ABCC4: variants seen among roughly 807,000 people sequenced by gnomAD.
ABCC4 encodes the protein ATP-binding cassette sub-family C member 4.
A neutral mutation model predicts 168.5 loss-of-function variants in ABCC4; 102 were observed. The observed-to-expected ratio is 0.61, with a 90% CI of 0.52 to 0.71. The LOEUF is 0.71. Ranked by LOEUF, ABCC4 falls within the 30% of genes least tolerant of loss-of-function variation. The pLI, the probability that ABCC4 is intolerant of heterozygous loss-of-function variation, is 0.00. For missense variants in ABCC4, 1,402 were observed against 1,605.8 expected (o/e 0.87, Z 2.17); for synonymous variants, 617 against 590.7 (o/e 1.04, Z -0.65).
chr13:95,030,811 T>C (rs906055220), intron 30 of ABCC4, among the ~76,000 whole-genome samples: 1 of 152,246 alleles, frequency 6.6e-6, no homozygotes, highest in African/African-American at 2.4e-5. Context: ...TACTTTGCTA[T>C]GGCAGCCTGA....
chr13:95,172,531 A>G (rs2037513016), intron 13 of ABCC4, among the ~76,000 whole-genome samples: 1 of 149,964 alleles, frequency 6.7e-6, no homozygotes, highest in Non-Finnish European at 1.5e-5. Context: ...ATGCCACTGC[A>G]CTCCAGCCTG....
chr13:95,236,624 T>C (rs567001941), intron 3 of ABCC4, among the ~76,000 whole-genome samples: 69 of 151,974 alleles, frequency 4.5e-4, no homozygotes, highest in African/African-American at 1.6e-3. Flanking sequence ...ACACACACTC[T>C]CTCTCACACA....
intron 24 of ABCC4, among the ~76,000 whole-genome samples, chr13:95,072,425 C>T (rs968457829): frequency 6.6e-6 from 1 of 152,134 alleles, no homozygotes; most frequent in Non-Finnish European, 1.5e-5. Flanking sequence ...CGCACTATTG[C>T]ACTCCAGCCT....
intron 8 of ABCC4, among the ~76,000 whole-genome samples, chr13:95,197,984 A>C (rs1274162172): frequency 6.6e-6 from 1 of 152,176 alleles, no homozygotes; most frequent in African/African-American, 2.4e-5. Context: ...AGACTTAAAT[A>C]TAAAACCTCA....
chr13:95,221,488 C>G (rs1376977805), intron 4 of ABCC4, among the ~76,000 whole-genome samples: 3 of 151,980 alleles, frequency 2.0e-5, no homozygotes, highest in Admixed American at 1.3e-4. Flanking sequence ...CTGAGCCTCC[C>G]AAAGTATTGG....
chr13:95,223,668 A>G (rs556956618), intron 4 of ABCC4, among the ~76,000 whole-genome samples: 1 of 152,180 alleles, frequency 6.6e-6, no homozygotes, highest in Non-Finnish European at 1.5e-5. Flanking sequence ...CACCCAGCTA[A>G]ATTTTGTATT....
chr13:95,025,178 CCCACA>C (rs2031349056), intron 30 of ABCC4, among the ~76,000 whole-genome samples: 1 of 144,080 alleles, frequency 6.9e-6, no homozygotes, highest in African/African-American at 2.7e-5. Context: ...CACACACACA[CCCACA>C]CACACCCACA....
chr13:95,298,732 A>C (rs1033528075), intron 1 of ABCC4, among the ~76,000 whole-genome samples: 4 of 152,174 alleles, frequency 2.6e-5, no homozygotes, highest in African/African-American at 9.6e-5. Flanking sequence ...CAGCAGCTCC[A>C]AAGAGGCTGG....
Position 95,115,659 on chromosome 13 carries a change from C to T in ABCC4, c.2535+263G>A, listed in dbSNP as rs543878813. Among the ~76,000 whole-genome samples, 5 of 152,236 alleles carry T rather than the reference C, an allele frequency of 3.3e-5. No individual in the cohort carries two copies. In the South Asian group the frequency reaches 8.3e-4, roughly 25 times the overall value. On this transcript the variant is annotated intron_variant, in intron 20 of 30. Coordinates refer to ENST00000645237, the MANE Select transcript of ABCC4 (RefSeq NM_005845.5). ...TCCACGCCAGATACCTAGAGGCAGA[C>T]GGAGAGCCACTTACCAAGCACGAAG...
intron 4 of ABCC4, among the ~76,000 whole-genome samples, chr13:95,217,632 G>A (rs2039158021): frequency 6.6e-6 from 1 of 152,184 alleles, no homozygotes; most frequent in Admixed American, 6.5e-5. Flanking sequence ...TACTGGGGAG[G>A]CTGAGGCAGG....
At chr13:95,144,742 A>C (rs1041494728) in intron 19 of ABCC4, among the ~76,000 whole-genome samples, 1 of 152,188 alleles carries the variant, frequency 6.6e-6, no homozygotes, top group Non-Finnish European at 1.5e-5. Flanking sequence ...CAGAGACTAC[A>C]CAAACAAATG....
At chr13:95,058,594 A>AAAAAAAAG (rs2033163283) in intron 26 of ABCC4, among the ~76,000 whole-genome samples, 441 of 41,046 alleles carry the variant, frequency 0.011, 7 homozygotes, top group East Asian at 0.025. Flanking sequence ...AAAAAAAAAG[A>AAAAAAAAG]AAAGAAAAAG....
At position 95,210,914 on chromosome 13, in the gene ABCC4, C is replaced by T. The variant is rs187423462; in HGVS notation, c.532-133G>A. 319 of 598,586 alleles carry T rather than the reference C, an allele frequency of 5.3e-4. 1 individual carries two copies. In the African/African-American group the frequency reaches 5.4e-3, roughly 10 times the overall value. The allele number at this position is 598,586 out of a possible 1,614,324, so 37.1% of individuals were successfully genotyped here. ...AAGCACAAGCATCCCCACCCCCCCA[C>T]TGCCCCCTCTCTCTGCCCCACCAGC... On this transcript the variant is annotated intron_variant, in intron 4 of 30. Transcript: ENST00000645237.
At chr13:95,236,375 A>G (rs2039770515) in intron 3 of ABCC4, among the ~76,000 whole-genome samples, 1 of 152,160 alleles carries the variant, frequency 6.6e-6, no homozygotes, top group South Asian at 2.1e-4. Context: ...CCTTCTTAAC[A>G]AAGACATAAT....
At chr13:95,257,639 G>A (rs955675236) in intron 1 of ABCC4, among the ~76,000 whole-genome samples, 3 of 150,478 alleles carry the variant, frequency 2.0e-5, no homozygotes, top group African/African-American at 4.9e-5. Flanking sequence ...CTCCTGCCTG[G>A]GCAACAGAGT....
At chr13:95,275,264 G>A (rs978087569) in intron 1 of ABCC4, among the ~76,000 whole-genome samples, 4 of 152,200 alleles carry the variant, frequency 2.6e-5, no homozygotes, top group African/African-American at 9.6e-5. Context: ...TGCAGGTAAA[G>A]TAGAATCACC....
intron 19 of ABCC4, among the ~76,000 whole-genome samples, chr13:95,155,123 T>C (rs773960181): frequency 5.9e-4 from 90 of 152,070 alleles, no homozygotes; most frequent in Non-Finnish European, 1.1e-3. Flanking sequence ...AACAGAACAA[T>C]AGTTCAAACC....
Position 95,177,809 on chromosome 13 carries a change from A to G in ABCC4, c.1641-16T>C. 6.3e-7 allele frequency: 1 copy of G among 1,599,532 alleles called. No individual in the cohort carries two copies. The highest frequency in any genetic ancestry group is 8.6e-7 in the Non-Finnish European group (1 of 1,168,862). On this transcript the variant is annotated splice_polypyrimidine_tract_variant and intron_variant, in intron 12 of 30. Coordinates refer to ENST00000645237, the MANE Select transcript of ABCC4 (RefSeq NM_005845.5). ...ATACACTGCTCTAGAAAATACAAAG[A>G]GGTATCAGACTCTCACCCAGGAACA...
chr13:95,163,489 G>T, intron 17 of ABCC4, 121 bp downstream of exon 17: 1 of 966,134 alleles, frequency 1.0e-6, no homozygotes, highest in Non-Finnish European at 1.6e-6. Context: ...ATTTTTCTTC[G>T]GGTAAACGAA....
Sources: gnomAD v4.1 joint callset for allele counts (sites outside exome capture counted in the v4.1 genomes callset) on GRCh38, gnomAD v4.1.1 for gene constraint, MANE v1.5 for transcripts, NCBI Gene and HGNC (gene_info 2026-07-23, HGNC 2026-07-21) for gene names.